WDR7: variants seen among roughly 807,000 people sequenced by gnomAD.
WDR7 encodes the protein WD repeat domain 7, also known as WD repeat-containing protein 7.
WDR7 carries 46 observed loss-of-function variants against 169.4 expected under a neutral mutation model. That is an observed-to-expected ratio of 0.27 (90% CI 0.21 to 0.35). The LOEUF (loss-of-function observed/expected upper bound fraction) is 0.35. WDR7 is among the 10% of genes least tolerant of loss of function. The pLI is 1.00. For synonymous variants in WDR7, 612 were observed against 666.8 expected (o/e 0.92, Z 1.27); for missense variants, 1,534 against 1,859.3 (o/e 0.83, Z 3.22).
chr18:56,709,202 G>A (rs1161062707), intron 12 of WDR7, among the ~76,000 whole-genome samples: 1 of 152,116 alleles, frequency 6.6e-6, no homozygotes, highest in East Asian at 1.9e-4. Context: ...ATTTATGGTA[G>A]CATGTGAGTG....
intron 19 of WDR7, among the ~76,000 whole-genome samples, chr18:56,792,035 C>T (rs2044495568): frequency 6.6e-6 from 1 of 151,094 alleles, no homozygotes; most frequent in Non-Finnish European, 1.5e-5. Context: ...TTCTTTCTTT[C>T]AAGATAGGGC....
intron 19 of WDR7, among the ~76,000 whole-genome samples, chr18:56,788,879 A>G (rs976348143): frequency 6.6e-6 from 1 of 152,230 alleles, no homozygotes; most frequent in African/African-American, 2.4e-5. Flanking sequence ...TGAGTGATAT[A>G]TATGAAAACT....
At chr18:56,688,579 A>G in intron 7 of WDR7, among the ~76,000 whole-genome samples, 1 of 122,156 alleles carries the variant, frequency 8.2e-6, no homozygotes, top group East Asian at 2.6e-4. Flanking sequence ...AAAAAAAAAA[A>G]TCAGCAGTGC....
chr18:56,785,514 A>G (rs80213717), intron 19 of WDR7, among the ~76,000 whole-genome samples: 1,559 of 152,292 alleles, frequency 0.01, 29 homozygotes, highest in African/African-American at 0.035. Flanking sequence ...TTTGTCTAAG[A>G]GTCCTTTTCT....
At chr18:56,749,924 A>G (rs1298897262) in intron 14 of WDR7, among the ~76,000 whole-genome samples, 4 of 149,542 alleles carry the variant, frequency 2.7e-5, no homozygotes, top group Admixed American at 2.0e-4. Flanking sequence ...TAAATATATA[A>G]TAATGATAAG....
intron 24 of WDR7, 126 bp downstream of exon 24, chr18:56,938,808 A>AGTTTGTGTGTGT: frequency 1.5e-6 from 1 of 660,564 alleles, no homozygotes. Context: ...AGAAAGAATG[A>AGTTTGTGTGTGT]GTGTGTGTGT....
chr18:56,980,561 G>A (rs2047628209), intron 26 of WDR7, among the ~76,000 whole-genome samples: 1 of 147,514 alleles, frequency 6.8e-6, no homozygotes, highest in Non-Finnish European at 1.5e-5. Context: ...GAGTTAATAA[G>A]CAAATAATTA....
At chr18:56,971,518 A>G (rs566019163) in intron 26 of WDR7, among the ~76,000 whole-genome samples, 1 of 152,182 alleles carries the variant, frequency 6.6e-6, no homozygotes, top group Non-Finnish European at 1.5e-5. Context: ...GAAGGCAGAT[A>G]TACATCCATA....
At chr18:56,724,662 T>C (rs932749966) in intron 13 of WDR7, among the ~76,000 whole-genome samples, 1 of 151,654 alleles carries the variant, frequency 6.6e-6, no homozygotes, top group South Asian at 2.1e-4. Context: ...TATATATATA[T>C]AATTATACTT....
intron 16 of WDR7, among the ~76,000 whole-genome samples, chr18:56,769,663 G>A (rs1446310394): frequency 6.6e-6 from 1 of 152,126 alleles, no homozygotes; most frequent in Non-Finnish European, 1.5e-5. Flanking sequence ...GCAATGTAAA[G>A]TTTAAGATTA....
downstream of WDR7, chr18:57,033,092 G>A (rs372889183): frequency 5.7e-4 from 86 of 152,064 alleles, 1 homozygote; most frequent in African/African-American, 2.0e-3. Flanking sequence ...CTTAGAATAT[G>A]CCAAGCGTAT....
chr18:56,802,426 C>T (rs1010160152), intron 19 of WDR7, among the ~76,000 whole-genome samples: 43 of 151,862 alleles, frequency 2.8e-4, no homozygotes, highest in African/African-American at 8.7e-4. Flanking sequence ...GGCATGATCT[C>T]GACTCACTGC....
the WDR7 span, chr18:57,035,737 A>C: frequency 6.6e-6 from 1 of 152,282 alleles, no homozygotes; most frequent in Non-Finnish European, 1.5e-5. Context: ...CAATCATCAT[A>C]ATTAGTAGCA....
chr18:56,917,142 A>G (rs1314171484), intron 21 of WDR7, among the ~76,000 whole-genome samples: 1 of 152,004 alleles, frequency 6.6e-6, no homozygotes, highest in Non-Finnish European at 1.5e-5. Context: ...TGTTGCAGTG[A>G]GCCGAGATCA....
At chr18:56,723,267 T>A (rs2026364510) in intron 13 of WDR7, among the ~76,000 whole-genome samples, 1 of 152,048 alleles carries the variant, frequency 6.6e-6, no homozygotes, top group Admixed American at 6.6e-5. Context: ...ATTTGAGTAA[T>A]AAGAATGCAG....
At chr18:56,884,435 T>A (rs2046157428) in intron 21 of WDR7, among the ~76,000 whole-genome samples, 1 of 151,968 alleles carries the variant, frequency 6.6e-6, no homozygotes, top group African/African-American at 2.4e-5. Context: ...GTGAAGATTT[T>A]CTCCCACTTT....
chr18:56,730,551 G>A (rs2026561186), intron 13 of WDR7, among the ~76,000 whole-genome samples: 1 of 152,148 alleles, frequency 6.6e-6, no homozygotes, highest in Non-Finnish European at 1.5e-5. Flanking sequence ...CGGATCACGA[G>A]GTCAGGAGAT....
intron 3 of WDR7, 41 bp downstream of exon 3, chr18:56,679,479 T>C: frequency 6.7e-7 from 1 of 1,492,020 alleles, no homozygotes; most frequent in South Asian, 1.2e-5. Context: ...CATGAGTCTT[T>C]ATAACTAGCA....
Position 56,682,774 on chromosome 18 carries a change from A to C in WDR7, c.441A>C (p.Glu147Asp), listed in dbSNP as rs1162370066. The C allele has an allele frequency of 1.2e-6, 2 of 1,613,738 alleles. No homozygotes were observed. Among genetic ancestry groups the C allele is most frequent in the East Asian group, 4.5e-5 (2 of 44,870 alleles). The change falls in exon 5 of 28, where the codon GAA (glutamate) becomes GAC (aspartate). Residue 147 changes from glutamate to aspartate, a missense_variant. Coordinates refer to ENST00000254442, the MANE Select transcript of WDR7 (RefSeq NM_015285.3). ...EILVVDATSL[E>D]VLYSLVSKIS... ...TTGTTGTGGATGCTACCAGCCTTGA[A>C]GTATTATACTCCTTAGTATCAAAGA...
Sources: gnomAD v4.1 joint callset for allele counts (sites outside exome capture counted in the v4.1 genomes callset) on GRCh38, gnomAD v4.1.1 for gene constraint, MANE v1.5 for transcripts, NCBI Gene and HGNC (gene_info 2026-07-23, HGNC 2026-07-21) for gene names.